The following PHC2 variants were observed in gnomAD, a reference collection of about 807,000 sequenced individuals.
The protein encoded by PHC2 is polyhomeotic-like protein 2.
Under a neutral mutation model 87.4 loss-of-function variants are expected in PHC2, and 29 were observed. The observed-to-expected ratio is 0.33, with a 90% CI of 0.25 to 0.45. The LOEUF is 0.45. Ranked by LOEUF, PHC2 falls within the 20% of genes least tolerant of loss-of-function variation. The probability of loss-of-function intolerance (pLI) is 1.00; values close to 1 mark genes in which losing one functional copy is unlikely to be tolerated. For missense variants in PHC2, 857 were observed against 1,136.7 expected, an observed-to-expected ratio of 0.75 and a Z score of 3.54; for synonymous variants, 438 against 461.7, an observed-to-expected ratio of 0.95 and a Z score of 0.66.
chr1:33,419,010 A>G (rs1650320715), intron 1 of PHC2, among the ~76,000 whole-genome samples: 1 of 152,210 alleles, frequency 6.6e-6, no homozygotes, highest in African/African-American at 2.4e-5. Context: ...TCCTGGCCCC[A>G]TTATTTACTA....
chr1:33,325,009 C>T lies in PHC2; in HGVS notation c.2436G>A (p.Glu812=), dbSNP rs779988064. ...CCTGGGCACGGAATTCCTCTGCTAT[C>T]TCCTGGCAGCCTGAGGGGGTACCAC... ...EFIRSLPGCQ[E]IAEEFRAQEI... The change falls in exon 15 of 15, where the codon GAG becomes GAA. Residue 812 remains glutamate (E), a synonymous_variant. Coordinates refer to ENST00000683057, the MANE Select transcript of PHC2 (RefSeq NM_001385109.1). 2.5e-6 allele frequency: 4 copies of T among 1,611,454 alleles called. No individual in the cohort carries two copies. The highest frequency in any genetic ancestry group is 3.4e-6 in the Non-Finnish European group (4 of 1,178,182).
intron 1 of PHC2, among the ~76,000 whole-genome samples, chr1:33,411,325 A>G (rs1649970744): frequency 6.6e-6 from 1 of 152,326 alleles, no homozygotes; most frequent in Admixed American, 6.5e-5. Context: ...TGATTATTAT[A>G]TCATTAACAT....
rs539006350 is a variant in PHC2 at position 33,419,904 on chromosome 1, C to T, written c.-55+11072G>A. Among the ~76,000 whole-genome samples the T allele has an allele frequency of 4.6e-5, 7 of 151,832 alleles. No homozygotes were observed. The East Asian group carries it at 5.9e-4, about 13-fold the overall frequency. On this transcript the variant is annotated intron_variant, in intron 1 of 14. Coordinates refer to ENST00000683057, the MANE Select transcript of PHC2 (RefSeq NM_001385109.1). Reference sequence around the variant, plus strand: ...GATTACAGGCGTGAGCCACCGCGCCCGGCCACCTCTCTCTTATAAGGACAC... The same window carrying T: ...GATTACAGGCGTGAGCCACCGCGCCTGGCCACCTCTCTCTTATAAGGACAC...
intron 1 of PHC2, among the ~76,000 whole-genome samples, chr1:33,387,113 T>G (rs1295996416): frequency 6.6e-6 from 1 of 152,250 alleles, no homozygotes; most frequent in Non-Finnish European, 1.5e-5. Context: ...TTTACTGGCC[T>G]TCTTTTTCTC....
Position 33,364,530 on chromosome 1 carries a change from C to G in PHC2, c.976+2586G>C, listed in dbSNP as rs1006670258. Among the ~76,000 whole-genome samples the G allele has an allele frequency of 6.6e-6, 1 of 152,140 alleles. No individual in the cohort carries two copies. On this transcript the variant is annotated intron_variant, in intron 7 of 14. Coordinates refer to ENST00000683057, the MANE Select transcript of PHC2 (RefSeq NM_001385109.1). The surrounding 1 kb of genome is among the most constrained non-coding windows in gnomAD (Gnocchi z 4.1). ...CACCTCTGCCCAGGGAACTGTATAG[C>G]CCAAGACAGGTGCTGCTCCTGGCTG...
At chr1:33,428,347 G>A (rs924625189) in intron 1 of PHC2, among the ~76,000 whole-genome samples, 2 of 152,140 alleles carry the variant, frequency 1.3e-5, no homozygotes, top group African/African-American at 2.4e-5. Context: ...TGATTTTCCA[G>A]CACTTACAGT....
intron 2 of PHC2, among the ~76,000 whole-genome samples, chr1:33,373,711 A>G (rs1317970322): frequency 6.6e-6 from 1 of 152,076 alleles, no homozygotes; most frequent in South Asian, 2.1e-4. Flanking sequence ...GATGCCCTGC[A>G]CTGGCCTTCA....
chr1:33,396,574 C>T (rs1333760136), intron 1 of PHC2, among the ~76,000 whole-genome samples: 2 of 152,178 alleles, frequency 1.3e-5, no homozygotes, highest in East Asian at 3.8e-4. Context: ...TTGGGGGAGG[C>T]ATTAGGCAAA....
chr1:33,411,425 G>C (rs992127669), intron 1 of PHC2, among the ~76,000 whole-genome samples: 5 of 150,824 alleles, frequency 3.3e-5, no homozygotes, highest in Admixed American at 1.3e-4. Flanking sequence ...AATGCACAGA[G>C]AAACATACTG....
chr1:33,417,966 C>T (rs1296906539), intron 1 of PHC2, among the ~76,000 whole-genome samples: 1 of 152,064 alleles, frequency 6.6e-6, no homozygotes, highest in East Asian at 1.9e-4. Context: ...AAACAATGCA[C>T]TTCAAAATAA....
At chr1:33,329,289 TCCTGTCTCCTACCC>T in intron 13 of PHC2, 143 bp from the exon 14 acceptor site, 3 of 755,234 alleles carry the variant, frequency 4.0e-6, no homozygotes, top group Non-Finnish European at 4.2e-6. Flanking sequence ...TTCCATGCTG[TCCTGTCTCCTACCC>T]TAGGCAGAGT....
intron 7 of PHC2, chr1:33,362,949 C>G (rs1214822974): frequency 6.6e-6 from 1 of 152,204 alleles, no homozygotes; most frequent in Non-Finnish European, 1.5e-5. Flanking sequence ...TGAGCCATAC[C>G]TCTTTCATTT....
chr1:33,397,289 C>T (rs1323595089), intron 1 of PHC2, among the ~76,000 whole-genome samples: 3 of 152,098 alleles, frequency 2.0e-5, no homozygotes, highest in Non-Finnish European at 2.9e-5. Context: ...TGCTTAGTCC[C>T]GGGAACAGGT....
intron 1 of PHC2, among the ~76,000 whole-genome samples, chr1:33,426,588 G>A (rs901332020): frequency 3.9e-5 from 6 of 152,208 alleles, no homozygotes; most frequent in Non-Finnish European, 7.3e-5. Flanking sequence ...TGGTGGATGA[G>A]TTTCCAGAAG....
At chr1:33,348,698 C>T (rs1406972298) in intron 9 of PHC2, among the ~76,000 whole-genome samples, 4 of 152,002 alleles carry the variant, frequency 2.6e-5, no homozygotes, top group African/African-American at 9.7e-5. Context: ...GGGAGATATC[C>T]GAGGGGAAGG....
intron 1 of PHC2, among the ~76,000 whole-genome samples, chr1:33,405,635 C>A (rs1375324904): frequency 2.0e-5 from 3 of 152,046 alleles, no homozygotes; most frequent in East Asian, 3.9e-4. Context: ...GTTTTTTCCC[C>A]TAACTTCTTT....
chr1:33,375,598 G>C lies in PHC2; in HGVS notation c.-54-5C>G, dbSNP rs1382612872. 4 of 1,434,318 alleles carry C rather than the reference G, an allele frequency of 2.8e-6. No individual in the cohort carries two copies. In the East Asian group the frequency reaches 7.8e-5, roughly 28 times the overall value. The allele number at this position is 1,434,318 out of a possible 1,614,324, so 88.8% of individuals were successfully genotyped here. A position where few individuals can be genotyped will look rare whatever the true frequency, so the allele number is the denominator to read the frequency against. On this transcript the variant is annotated splice_polypyrimidine_tract_variant and splice_region_variant and intron_variant, in intron 1 of 14. Coordinates refer to ENST00000683057, the MANE Select transcript of PHC2 (RefSeq NM_001385109.1). ...TGGCAGAAGGGCAGGCAGATGCTAG[G>C]AGGGAAGAGGCAGAAGTGAATGTTT... is the stretch of plus-strand genomic sequence containing the variant.
intron 1 of PHC2, among the ~76,000 whole-genome samples, chr1:33,393,577 A>T (rs944656158): frequency 6.6e-6 from 1 of 151,266 alleles, no homozygotes; most frequent in African/African-American, 2.4e-5. Context: ...TGTGTGGACC[A>T]GAACCATATG....
intron 7 of PHC2, among the ~76,000 whole-genome samples, chr1:33,357,506 T>C (rs893712856): frequency 7.2e-5 from 11 of 152,156 alleles, no homozygotes; most frequent in African/African-American, 2.7e-4. Context: ...GGACTATGGA[T>C]GGCCCAGAGG....
Sources: gnomAD v4.1 joint callset for allele counts (sites outside exome capture counted in the v4.1 genomes callset) on GRCh38, gnomAD v4.1.1 for gene constraint, Gnocchi (gnomAD v3.1) non-coding constraint, MANE v1.5 for transcripts, NCBI Gene and HGNC (gene_info 2026-07-23, HGNC 2026-07-21) for gene names.